The following GALNT13 variants were observed in gnomAD, a reference collection of about 807,000 sequenced individuals.
GALNT13 encodes the protein UDP-GalNAc:polypeptide N-acetylgalactosaminyltransferase 13.
Under a neutral mutation model 64.2 loss-of-function variants are expected in GALNT13, and 28 were observed. That is an observed-to-expected ratio of 0.44 (90% CI 0.32 to 0.60). GALNT13 has a LOEUF of 0.60. Ranked by LOEUF, GALNT13 falls within the 20% of genes least tolerant of loss-of-function variation. The pLI is 0.05. For synonymous variants in GALNT13, 214 were observed against 224.6 expected (o/e 0.95, Z 0.42); for missense variants, 577 against 669.8 (o/e 0.86, Z 1.53).
the GALNT13 span, among the ~76,000 whole-genome samples, chr2:153,117,853 C>T: frequency 3.7e-3 from 558 of 152,110 alleles, 2 homozygotes; most frequent in African/African-American, 0.013. Context: ...CAGTTAAGTC[C>T]GAAGAGCTGG....
At chr2:153,301,305 T>A in the GALNT13 span, among the ~76,000 whole-genome samples, 2 of 15,414 alleles carry the variant, frequency 1.3e-4, no homozygotes, top group Admixed American at 6.3e-4. Context: ...GTGAGACTCC[T>A]TCTCAAAAAA....
intron 8 of GALNT13, among the ~76,000 whole-genome samples, chr2:154,273,987 CATT>C (rs1691498767): frequency 6.6e-6 from 1 of 151,760 alleles, no homozygotes; most frequent in Admixed American, 6.6e-5. Context: ...GGTTTTTTCT[CATT>C]ATTTTGTTTC....
At chr2:154,011,440 G>A (rs1396143707) in intron 3 of GALNT13, among the ~76,000 whole-genome samples, 2 of 152,072 alleles carry the variant, frequency 1.3e-5, no homozygotes, top group African/African-American at 4.8e-5. Context: ...AGTGTGGTTG[G>A]TATGATTTCA....
intron 8 of GALNT13, among the ~76,000 whole-genome samples, chr2:154,300,299 T>G (rs1421832792): frequency 6.6e-6 from 1 of 151,792 alleles, no homozygotes; most frequent in African/African-American, 2.4e-5. Context: ...GACGGGTTTT[T>G]GCCATGTTGG....
At chr2:153,542,349 C>A in the GALNT13 span, among the ~76,000 whole-genome samples, 9 of 62,722 alleles carry the variant, frequency 1.4e-4, no homozygotes, top group African/African-American at 3.6e-4. Flanking sequence ...CAAACAAACA[C>A]ACACACACAC....
the GALNT13 span, among the ~76,000 whole-genome samples, chr2:153,266,930 C>A: frequency 6.6e-6 from 1 of 152,216 alleles, no homozygotes; most frequent in Non-Finnish European, 1.5e-5. Flanking sequence ...AAGGCAAGTC[C>A]CTCTGCCTAT....
chr2:154,403,496 T>A (rs921132328), intron 10 of GALNT13, among the ~76,000 whole-genome samples: 1 of 151,950 alleles, frequency 6.6e-6, no homozygotes, highest in Non-Finnish European at 1.5e-5. Context: ...TTTCAGATAT[T>A]GTCTCTATCC....
chr2:154,233,204 T>C (rs775829816), intron 4 of GALNT13, among the ~76,000 whole-genome samples: 24 of 152,040 alleles, frequency 1.6e-4, no homozygotes, highest in Non-Finnish European at 2.8e-4. Flanking sequence ...GCAGATGTCT[T>C]AGTAGTCATA....
At chr2:153,119,387 T>C in the GALNT13 span, among the ~76,000 whole-genome samples, 1 of 152,096 alleles carries the variant, frequency 6.6e-6, no homozygotes. Flanking sequence ...TTCTTGCCTT[T>C]AGGGGAAAGA....
At chr2:153,719,808 C>T in the GALNT13 span, among the ~76,000 whole-genome samples, 2 of 151,682 alleles carry the variant, frequency 1.3e-5, no homozygotes, top group African/African-American at 4.8e-5. Flanking sequence ...TCGGAGGGTC[C>T]TACGCCCACG....
the GALNT13 span, among the ~76,000 whole-genome samples, chr2:153,464,487 C>T: frequency 1.2e-4 from 19 of 152,028 alleles, no homozygotes; most frequent in African/African-American, 4.1e-4. Flanking sequence ...TGAGATGTAT[C>T]CTTTGAAAGA....
intron 8 of GALNT13, among the ~76,000 whole-genome samples, chr2:154,260,772 T>C (rs1690654739): frequency 6.6e-6 from 1 of 152,194 alleles, no homozygotes. Context: ...AATAATTTGC[T>C]TCTATTCTTA....
chr2:153,434,216 AT>A, the GALNT13 span, among the ~76,000 whole-genome samples: 2 of 152,014 alleles, frequency 1.3e-5, no homozygotes, highest in South Asian at 2.1e-4. Flanking sequence ...CATTTTCTTA[AT>A]CCAGTCTATC....
the GALNT13 span, among the ~76,000 whole-genome samples, chr2:153,479,552 T>C: frequency 6.6e-6 from 1 of 152,126 alleles, no homozygotes; most frequent in Non-Finnish European, 1.5e-5. Context: ...GTCACCTCTC[T>C]GGTAAAGGAG....
intron 4 of GALNT13, among the ~76,000 whole-genome samples, chr2:154,220,646 AT>A (rs1035506306): frequency 5.3e-5 from 8 of 151,844 alleles, no homozygotes; most frequent in African/African-American, 1.7e-4. Context: ...TCTTGTACAA[AT>A]TTTTTTTATC....
At chr2:154,285,774 G>A (rs1221719032) in intron 8 of GALNT13, among the ~76,000 whole-genome samples, 1 of 151,922 alleles carries the variant, frequency 6.6e-6, no homozygotes, top group African/African-American at 2.4e-5. Flanking sequence ...ATTTTGATAG[G>A]TTTTGCATGG....
At chr2:154,134,032 G>A (rs904306815) in intron 3 of GALNT13, among the ~76,000 whole-genome samples, 5 of 152,036 alleles carry the variant, frequency 3.3e-5, no homozygotes. Flanking sequence ...AAAGTACATG[G>A]AGAACCACAC....
chr2:153,435,954 G>T, the GALNT13 span, among the ~76,000 whole-genome samples: 1 of 152,146 alleles, frequency 6.6e-6, no homozygotes, highest in Non-Finnish European at 1.5e-5. Context: ...GTATGATATT[G>T]GCTGTGGGTT....
chr2:153,982,912 C>T lies in GALNT13; in HGVS notation c.142+38273C>T, dbSNP rs575330069. Among the ~76,000 whole-genome samples the T allele has an allele frequency of 3.5e-3, 536 of 151,682 alleles. 4 individuals are homozygous for T. Among genetic ancestry groups the T allele is most frequent in the African/African-American group, 0.012 (498 of 41,408 alleles). On this transcript the variant is annotated intron_variant, in intron 3 of 12. Coordinates refer to ENST00000392825, the MANE Select transcript of GALNT13 (RefSeq NM_052917.4). The stretch of plus-strand genomic sequence containing the variant: ...GTGGTGCTGAGGATATTTAAGTTAC[C>T]GGGTATATTTAAGGTGCTGAGAATT...
Sources: gnomAD v4.1 joint callset for allele counts (sites outside exome capture counted in the v4.1 genomes callset) on GRCh38, gnomAD v4.1.1 for gene constraint, MANE v1.5 for transcripts, NCBI Gene and HGNC (gene_info 2026-07-23, HGNC 2026-07-21) for gene names.